Variants in COBL observed in about 807,000 individuals in gnomAD.
COBL encodes the protein cordon-bleu WH2 repeat protein.
COBL carries 51 observed loss-of-function variants against 98.8 expected under a neutral mutation model. The ratio of observed to expected loss-of-function variants is 0.52; its 90% confidence interval spans 0.41 to 0.65. The LOEUF (loss-of-function observed/expected upper bound fraction) is 0.65. Ranked by LOEUF, COBL falls within the 30% of genes least tolerant of loss-of-function variation. The pLI, the probability that COBL is intolerant of heterozygous loss-of-function variation, is 0.00. For synonymous variants in COBL, 634 were observed against 651.7 expected (o/e 0.97, Z 0.41); for missense variants, 1,617 against 1,617.5 (o/e 1.00, Z 0.01).
rs531249671 is a variant in COBL, at chr7:51,127,767, A to G, written c.957+8391T>C. On this transcript the variant is annotated intron_variant, in intron 6 of 12. Transcript: ENST00000265136. ...GTTTTACTTAAGAGCAGTCCCAGAG[A>G]GCAAAGGGGTGATCCGGACTCCCTC... 2.0e-5 allele frequency among the ~76,000 whole-genome samples: 3 copies of G among 152,264 alleles called. No homozygotes were observed. In the East Asian group the frequency reaches 5.8e-4, roughly 29 times the overall value.
intron 1 of COBL, among the ~76,000 whole-genome samples, chr7:51,249,181 C>T (rs1447938128): frequency 6.6e-6 from 1 of 152,198 alleles, no homozygotes; most frequent in Non-Finnish European, 1.5e-5. Flanking sequence ...GCAAGGCTAT[C>T]TGTGACCTGT....
rs537076729 is a variant in COBL, at chr7:51,093,872, C to T, written c.958-8568G>A. Among the ~76,000 whole-genome samples the T allele has an allele frequency of 8.7e-5, 13 of 149,054 alleles. No individual in the cohort carries two copies. The East Asian group carries it at 1.8e-3, about 20-fold the overall frequency. ...TGATATCACTGCATTCCAGCCTGGGCGATGGCACCAGGCCCTGACACCAAA... is the reference window on the plus strand; with the variant it reads ...TGATATCACTGCATTCCAGCCTGGGTGATGGCACCAGGCCCTGACACCAAA... On this transcript the variant is annotated intron_variant, in intron 6 of 12. Transcript: ENST00000265136.
At chr7:51,205,403 T>G (rs1791571750) in intron 2 of COBL, among the ~76,000 whole-genome samples, 1 of 151,696 alleles carries the variant, frequency 6.6e-6, no homozygotes, top group Non-Finnish European at 1.5e-5. Context: ...TGCCAAGAAG[T>G]CACAATGGGG....
At chr7:51,156,117 A>G in intron 5 of COBL, 13 of 974,852 alleles carry the variant, frequency 1.3e-5, no homozygotes, top group Non-Finnish European at 1.6e-5. Context: ...GTGCTAAAAG[A>G]AAACAAATAT....
chr7:51,266,159 C>G (rs143245231), intron 1 of COBL, among the ~76,000 whole-genome samples: 1 of 152,136 alleles, frequency 6.6e-6, no homozygotes, highest in Non-Finnish European at 1.5e-5. Flanking sequence ...AATTACAAAA[C>G]AATAAATTAT....
chr7:51,313,982 A>G (rs1803301821), intron 1 of COBL, among the ~76,000 whole-genome samples: 1 of 152,248 alleles, frequency 6.6e-6, no homozygotes, highest in African/African-American at 2.4e-5. Context: ...CCAGGAGTCA[A>G]GGAAGTCATA....
At chr7:51,171,649 A>T (rs1787886997) in intron 5 of COBL, among the ~76,000 whole-genome samples, 1 of 151,910 alleles carries the variant, frequency 6.6e-6, no homozygotes, top group East Asian at 1.9e-4. Flanking sequence ...TACTGTTTTG[A>T]TTTATTTTGT....
At chr7:51,047,332 C>T (rs566977477) in intron 7 of COBL, among the ~76,000 whole-genome samples, 1 of 152,258 alleles carries the variant, frequency 6.6e-6, no homozygotes, top group South Asian at 2.1e-4. Flanking sequence ...TATATAATCC[C>T]ATGGTTCAGA....
intron 2 of COBL, among the ~76,000 whole-genome samples, chr7:51,195,003 C>A (rs1451673385): frequency 6.6e-6 from 1 of 152,048 alleles, no homozygotes; most frequent in Non-Finnish European, 1.5e-5. Flanking sequence ...TTTTGCTGTG[C>A]AGAAGCTCTG....
chr7:51,172,634 C>T (rs530065040), intron 5 of COBL: 13 of 710,314 alleles, frequency 1.8e-5, no homozygotes, highest in Non-Finnish European at 2.4e-5. Flanking sequence ...GGCCACAAGG[C>T]AGCAAACCCT....
intron 8 of COBL, among the ~76,000 whole-genome samples, chr7:51,038,040 T>TG (rs1023713985): frequency 3.3e-5 from 5 of 152,070 alleles, no homozygotes; most frequent in African/African-American, 1.2e-4. Flanking sequence ...TTAGTAGAGA[T>TG]GGGGTTTCAC....
intron 1 of COBL, among the ~76,000 whole-genome samples, chr7:51,222,143 C>T (rs573686229): frequency 1.3e-5 from 2 of 152,150 alleles, no homozygotes; most frequent in South Asian, 2.1e-4. Context: ...GAGCCGAGAT[C>T]GCACCACTGC....
At chr7:51,239,006 T>TA (rs1285645911) in intron 1 of COBL, among the ~76,000 whole-genome samples, 2 of 152,164 alleles carry the variant, frequency 1.3e-5, no homozygotes, top group African/African-American at 2.4e-5. Flanking sequence ...TATATAAACT[T>TA]ATGGTTAAAT....
At chr7:51,244,309 A>G (rs1234124027) in intron 1 of COBL, among the ~76,000 whole-genome samples, 1 of 152,214 alleles carries the variant, frequency 6.6e-6, no homozygotes, top group Non-Finnish European at 1.5e-5. Context: ...TGTAGTGGGT[A>G]TTTGCTGTCC....
chr7:51,172,234 A>T (rs186734603), intron 5 of COBL, among the ~76,000 whole-genome samples: 11 of 152,356 alleles, frequency 7.2e-5, no homozygotes, highest in Admixed American at 2.0e-4. Context: ...TCCTGATCAC[A>T]CTGACTGGCA....
At chr7:51,211,902 A>G (rs570344698) in intron 2 of COBL, among the ~76,000 whole-genome samples, 6 of 152,088 alleles carry the variant, frequency 3.9e-5, no homozygotes, top group African/African-American at 1.2e-4. Flanking sequence ...TCTCTCTCTC[A>G]TCATCTATCT....
chr7:51,208,440 G>GA (rs1381424828), intron 2 of COBL, among the ~76,000 whole-genome samples: 1 of 147,610 alleles, frequency 6.8e-6, no homozygotes, highest in Non-Finnish European at 1.5e-5. Flanking sequence ...GGGAGGTGGG[G>GA]GGGGTCAGCC....
At position 51,191,313 on chromosome 7, in the gene COBL, G is replaced by A. The variant is rs73316864; in HGVS notation, c.457-235C>T. ...GTGAACAAGCTGCTAACAACACAGC[G>A]AAATAAACATCAGGGAAGACTCTAC... is the stretch of plus-strand genomic sequence containing the variant. On this transcript the variant is annotated intron_variant, in intron 3 of 12. Coordinates refer to ENST00000265136, the MANE Select transcript of COBL (RefSeq NM_015198.5). Among the ~76,000 whole-genome samples, 1,247 of 152,112 alleles carry A rather than the reference G, an allele frequency of 8.2e-3. 15 individuals are homozygous for A. Among genetic ancestry groups the A allele is most frequent in the African/African-American group, 0.028 (1,166 of 41,512 alleles).
rs1441374956 is a variant in COBL, at chr7:51,016,713, C to T, written c.*838G>A. 1 of 376,402 alleles carries T rather than the reference C, an allele frequency of 2.7e-6. No individual in the cohort carries two copies. The highest frequency in any genetic ancestry group is 2.1e-5 in the African/African-American group (1 of 48,386). The allele number at this position is 376,402 out of a possible 1,614,324, so 23.3% of individuals were successfully genotyped here. ...CCCTCTGCAGGATTCCAGAAGGCTC[C>T]CAGTGAAGTCATCAGGCTCCGTACA... On this transcript the variant is annotated 3_prime_UTR_variant, in exon 13 of 13. Coordinates refer to ENST00000265136, the MANE Select transcript of COBL (RefSeq NM_015198.5).
Sources: allele counts gnomAD v4.1 joint callset (sites outside exome capture counted in the v4.1 genomes callset), GRCh38; gene constraint gnomAD v4.1.1; transcripts MANE v1.5; gene names NCBI Gene and HGNC (gene_info 2026-07-23, HGNC 2026-07-21).